Variants in ALPK1 observed in about 807,000 individuals in gnomAD.
The protein encoded by ALPK1 is alpha kinase 1, also known as alpha-protein kinase 1.
In ALPK1, 110 loss-of-function variants were observed where a neutral mutation model predicts 120.6. The observed-to-expected ratio is 0.91, with a 90% CI of 0.78 to 1.07. The LOEUF (loss-of-function observed/expected upper bound fraction) is 1.07. Among genes scored for constraint, ALPK1 ranks in the 50% least tolerant of loss-of-function variants. The probability of loss-of-function intolerance (pLI) is 0.00; values close to 1 mark genes in which losing one functional copy is unlikely to be tolerated. For synonymous variants in ALPK1, 582 were observed against 560.3 expected, an observed-to-expected ratio of 1.04 and a Z score of -0.55; for missense variants, 1,498 against 1,483.9, an observed-to-expected ratio of 1.01 and a Z score of -0.16.
chr4:112,352,768 G>C (rs1230949974), intron 2 of ALPK1: 1 of 152,064 alleles, frequency 6.6e-6, no homozygotes, highest in South Asian at 2.1e-4. Flanking sequence ...TTTACCCATG[G>C]ATTCCTCTGT....
chr4:112,357,139 T>A (rs1050059618), intron 2 of ALPK1: 1 of 1,367,048 alleles, frequency 7.3e-7, no homozygotes, highest in South Asian at 1.2e-5. Flanking sequence ...TGCCTGGAGA[T>A]GACAGCGGTG....
chr4:112,431,212 T>A lies in ALPK1; in HGVS notation c.1665T>A (p.Thr555=), dbSNP rs747367766. Residue 555 remains threonine (T), a synonymous_variant, in exon 11 of 16, where the codon ACT becomes ACA. Coordinates refer to ENST00000650871, the MANE Select transcript of ALPK1 (RefSeq NM_025144.4). The part of the protein sequence containing the change: ...FRVSLDQDVE[T]ETEPSDYSNG... ...TCTCCTTGGATCAAGATGTGGAGAC[T>A]GAGACTGAGCCATCGGACTACAGCA... is the stretch of plus-strand genomic sequence containing the variant. The A allele has an allele frequency of 2.5e-6, 4 of 1,614,076 alleles. No individual in the cohort carries two copies. The African/African-American group carries it at 5.3e-5, about 22-fold the overall frequency.
chr4:112,411,906 ATGGGCTCG>A lies in ALPK1; in HGVS notation c.357_364del (p.Tyr119Ter). On this transcript the variant is annotated stop_gained and frameshift_variant, in exon 5 of 16. Transcript: ENST00000650871. LOFTEE classifies it high-confidence loss of function. Reference sequence around the variant, plus strand: ...GTGTTCTTGGTGGACCGGTTCCTGTATGGGCTCGACGTCTCTGGAAAACTTCTGCAGGT... The same window carrying A: ...GTGTTCTTGGTGGACCGGTTCCTGTAACGTCTCTGGAAAACTTCTGCAGGT... 6.2e-7 allele frequency: 1 copy of A among 1,613,960 alleles called. No homozygotes were observed. Among genetic ancestry groups the A allele is most frequent in the Non-Finnish European group, 8.5e-7 (1 of 1,179,986 alleles).
At chr4:112,429,714 C>T (rs562973521) in intron 10 of ALPK1, among the ~76,000 whole-genome samples, 1 of 151,448 alleles carries the variant, frequency 6.6e-6, no homozygotes, top group African/African-American at 2.4e-5. Flanking sequence ...GTGGTACGTG[C>T]CTATAGTCCC....
chr4:112,418,471 T>C (rs1271843002), intron 5 of ALPK1, among the ~76,000 whole-genome samples: 1 of 152,174 alleles, frequency 6.6e-6, no homozygotes, highest in Non-Finnish European at 1.5e-5. Flanking sequence ...AGAAGTCACC[T>C]ATGTTGCAGG....
At chr4:112,345,576 C>T (rs1048225928) in intron 2 of ALPK1, among the ~76,000 whole-genome samples, 1 of 152,202 alleles carries the variant, frequency 6.6e-6, no homozygotes, top group African/African-American at 2.4e-5. Flanking sequence ...AATTTCAGAA[C>T]GGTCTCTTGC....
At chr4:112,390,408 CT>C in intron 4 of ALPK1, among the ~76,000 whole-genome samples, 1 of 152,284 alleles carries the variant, frequency 6.6e-6, no homozygotes, top group East Asian at 1.9e-4. Context: ...AAGGTATCAC[CT>C]TTTCAAAGTT....
At chr4:112,384,263 C>T (rs1229570601) in intron 4 of ALPK1, 1 of 152,300 alleles carries the variant, frequency 6.6e-6, no homozygotes, top group East Asian at 1.9e-4. Flanking sequence ...CTTGAAAAAA[C>T]AGGTAGAAGC....
chr4:112,358,885 C>A lies in ALPK1; in HGVS notation c.-100-18793C>A, dbSNP rs1730776888. 9.1e-6 allele frequency: 7 copies of A among 772,082 alleles called. No individual in the cohort carries two copies. In the South Asian group the frequency reaches 9.4e-5, roughly 10 times the overall value. 47.8% of individuals were successfully genotyped at this position (772,082 alleles called of 1,614,324 possible). On this transcript the variant is annotated intron_variant, in intron 2 of 15. Transcript: ENST00000650871. ...TCCGATGACTTTGCTGCCCTGGCGA[C>A]CTGTCTTGGCCTCCTCTTTGCTGAA...
At chr4:112,405,645 G>A (rs1365357274) in intron 4 of ALPK1, among the ~76,000 whole-genome samples, 1 of 151,844 alleles carries the variant, frequency 6.6e-6, no homozygotes, top group Non-Finnish European at 1.5e-5. Context: ...GTGCAATCTC[G>A]GCTCACTGCA....
intron 2 of ALPK1, among the ~76,000 whole-genome samples, chr4:112,362,451 C>G (rs747168140): frequency 1.1e-4 from 16 of 152,154 alleles, no homozygotes; most frequent in Non-Finnish European, 1.6e-4. Flanking sequence ...ACTGCAAAGT[C>G]TCAGCAACAG....
chr4:112,398,544 C>T (rs1732768959), intron 4 of ALPK1, among the ~76,000 whole-genome samples: 1 of 152,192 alleles, frequency 6.6e-6, no homozygotes, highest in Admixed American at 6.5e-5. Context: ...AGTAATCCTC[C>T]TGCCTCGGCT....
Position 112,345,620 on chromosome 4 carries a change from T to C in ALPK1, c.-101+29768T>C, listed in dbSNP as rs529463501. On this transcript the variant is annotated intron_variant, in intron 2 of 15. Coordinates refer to ENST00000650871, the MANE Select transcript of ALPK1 (RefSeq NM_025144.4). The stretch of plus-strand genomic sequence containing the variant: ...AAAATTCATCAAGACCATTCCTTTT[T>C]GTTGGGGTCCTCAAAAGAGAATTTT... 3.7e-4 allele frequency among the ~76,000 whole-genome samples: 57 copies of C among 152,334 alleles called. 1 individual carries two copies. Among genetic ancestry groups the C allele is most frequent in the African/African-American group, 1.3e-3 (55 of 41,580 alleles).
At chr4:112,320,193 C>T (rs1461902595) in intron 2 of ALPK1, among the ~76,000 whole-genome samples, 1 of 152,186 alleles carries the variant, frequency 6.6e-6, no homozygotes, top group Non-Finnish European at 1.5e-5. Flanking sequence ...TCACAAATGG[C>T]TTTTATTACC....
At position 112,375,111 on chromosome 4, in the gene ALPK1, C is replaced by T. The variant is rs142769946; in HGVS notation, c.-100-2567C>T. ...AAGTCCTAGACGGTATCTTCTTCCA[C>T]TACAAGGCTGTTTTGTCACCACTGA... On this transcript the variant is annotated intron_variant, in intron 2 of 15. Transcript: ENST00000650871. Among the ~76,000 whole-genome samples the T allele has an allele frequency of 1.7e-3, 257 of 152,226 alleles. 1 individual carries two copies. Among genetic ancestry groups the T allele is most frequent in the African/African-American group, 5.0e-3 (207 of 41,534 alleles).
chr4:112,405,193 A>G (rs903131280), intron 4 of ALPK1, among the ~76,000 whole-genome samples: 1 of 152,162 alleles, frequency 6.6e-6, no homozygotes, highest in Non-Finnish European at 1.5e-5. Flanking sequence ...TCCGGACTCC[A>G]AGAAGCTCTG....
chr4:112,311,694 C>A (rs762792799), intron 1 of ALPK1, among the ~76,000 whole-genome samples: 4 of 152,206 alleles, frequency 2.6e-5, no homozygotes, highest in Non-Finnish European at 4.4e-5. Context: ...TTACCCCACT[C>A]CCTCCTTCCG....
chr4:112,358,502 G>C, intron 2 of ALPK1: 1 of 680,434 alleles, frequency 1.5e-6, no homozygotes, highest in Non-Finnish European at 2.6e-6. Flanking sequence ...GAGGCCCTCA[G>C]GGTCACCAGC....
intron 4 of ALPK1, chr4:112,384,371 G>A (rs1462945389): frequency 3.3e-5 from 5 of 152,254 alleles, no homozygotes; most frequent in Non-Finnish European, 7.3e-5. Context: ...GTTCAATATG[G>A]TAGCCACTAG....
Sources: gnomAD v4.1 joint callset for allele counts (sites outside exome capture counted in the v4.1 genomes callset) on GRCh38, gnomAD v4.1.1 for gene constraint, MANE v1.5 for transcripts, NCBI Gene and HGNC (gene_info 2026-07-23, HGNC 2026-07-21) for gene names.